Variants in GALNT17 observed in about 807,000 individuals in gnomAD.
The protein encoded by GALNT17 is polypeptide N-acetylgalactosaminyltransferase 17.
A neutral mutation model predicts 63.7 loss-of-function variants in GALNT17; 29 were observed. That is an observed-to-expected ratio of 0.46 (90% CI 0.34 to 0.62). The LOEUF is 0.62. GALNT17 is among the 20% of genes least tolerant of loss of function. The pLI is 0.01. For synonymous variants in GALNT17, 305 were observed against 318.3 expected, an observed-to-expected ratio of 0.96 and a Z score of 0.45; for missense variants, 603 against 799.6, an observed-to-expected ratio of 0.75 and a Z score of 2.97.
At chr7:71,147,561 A>G (rs1013270251) in intron 1 of GALNT17, among the ~76,000 whole-genome samples, 2 of 152,188 alleles carry the variant, frequency 1.3e-5, no homozygotes, top group Non-Finnish European at 2.9e-5. Flanking sequence ...CTTCAATCCA[A>G]TCAGATTGAC....
At chr7:71,442,973 G>C (rs1274038821) in intron 5 of GALNT17, among the ~76,000 whole-genome samples, 1 of 152,140 alleles carries the variant, frequency 6.6e-6, no homozygotes, top group Non-Finnish European at 1.5e-5. Context: ...GGAAAGAGGA[G>C]AGAAATGTTT....
intron 2 of GALNT17, among the ~76,000 whole-genome samples, chr7:71,385,441 T>A (rs963868045): frequency 1.3e-5 from 2 of 152,164 alleles, no homozygotes; most frequent in Admixed American, 1.3e-4. Context: ...GTGGCTGAAG[T>A]GCTGCAGTGG....
At chr7:71,590,041 T>A (rs1295449997) in intron 6 of GALNT17, among the ~76,000 whole-genome samples, 1 of 152,132 alleles carries the variant, frequency 6.6e-6, no homozygotes, top group East Asian at 1.9e-4. Flanking sequence ...TGCCCGTACA[T>A]GTATTTCATG....
chr7:71,508,907 C>T (rs1331354293), intron 5 of GALNT17, among the ~76,000 whole-genome samples: 4 of 152,194 alleles, frequency 2.6e-5, no homozygotes, highest in South Asian at 2.1e-4. Flanking sequence ...CGTTCTTGTG[C>T]GTGCGCTCGT....
At chr7:71,620,878 T>C (rs1290464600) in intron 6 of GALNT17, among the ~76,000 whole-genome samples, 1 of 152,180 alleles carries the variant, frequency 6.6e-6, no homozygotes, top group Non-Finnish European at 1.5e-5. Flanking sequence ...TGGATAAATA[T>C]CAAGTTTATT....
chr7:71,259,166 T>C (rs1050976861), intron 1 of GALNT17, among the ~76,000 whole-genome samples: 9 of 152,098 alleles, frequency 5.9e-5, no homozygotes, highest in African/African-American at 2.2e-4. Context: ...CTCTTTTTCA[T>C]CCTAAATCTG....
chr7:71,326,983 T>C (rs1432303367), intron 1 of GALNT17, among the ~76,000 whole-genome samples: 2 of 152,236 alleles, frequency 1.3e-5, no homozygotes. Context: ...GCTTTCCTTA[T>C]GGATATTTAA....
intron 6 of GALNT17, among the ~76,000 whole-genome samples, chr7:71,641,478 A>C (rs1219853223): frequency 6.6e-6 from 1 of 152,188 alleles, no homozygotes; most frequent in Non-Finnish European, 1.5e-5. Context: ...GGGAAGTCCA[A>C]GATCAAGGCA....
chr7:71,544,948 T>C (rs951659085), intron 5 of GALNT17, among the ~76,000 whole-genome samples: 1 of 151,902 alleles, frequency 6.6e-6, no homozygotes, highest in Non-Finnish European at 1.5e-5. Flanking sequence ...TAAATTAAAC[T>C]TGAAAGCTTT....
At chr7:71,199,548 A>G (rs1430300249) in intron 1 of GALNT17, among the ~76,000 whole-genome samples, 4 of 147,224 alleles carry the variant, frequency 2.7e-5, no homozygotes, top group African/African-American at 7.9e-5. Flanking sequence ...CCATCCATCC[A>G]TCCATCCATC....
rs116781549 is a variant in GALNT17, at chr7:71,139,293, A to G, written c.238+6253A>G. ...AGCTTCACTTGCCCCTCGCAGGCTC[A>G]AAGCCTTAGAGACACCCTCTCCTCT... On this transcript the variant is annotated intron_variant, in intron 1 of 10. Transcript: ENST00000333538. 6.0e-3 allele frequency among the ~76,000 whole-genome samples: 913 copies of G among 152,230 alleles called. 11 individuals are homozygous for G. Among genetic ancestry groups the G allele is most frequent in the African/African-American group, 0.021 (892 of 41,556 alleles).
intron 6 of GALNT17, among the ~76,000 whole-genome samples, chr7:71,660,020 T>TGG (rs1481016015): frequency 1.1e-4 from 16 of 152,358 alleles, no homozygotes; most frequent in Non-Finnish European, 7.3e-5. Flanking sequence ...CATTTCTGCC[T>TGG]GTGATTCTTT....
chr7:71,428,707 G>A (rs1390446621), intron 5 of GALNT17, among the ~76,000 whole-genome samples: 36 of 152,140 alleles, frequency 2.4e-4, no homozygotes, highest in Admixed American at 2.0e-3. Context: ...AAAGTGCTGG[G>A]ATTACAGGCA....
chr7:71,349,539 A>G (rs1023832757), intron 2 of GALNT17, among the ~76,000 whole-genome samples: 1 of 152,258 alleles, frequency 6.6e-6, no homozygotes, highest in Non-Finnish European at 1.5e-5. Context: ...TTGCATAAAA[A>G]TAGTCACATG....
chr7:71,551,821 T>G (rs1423032528), intron 5 of GALNT17, among the ~76,000 whole-genome samples: 1 of 151,300 alleles, frequency 6.6e-6, no homozygotes, highest in Non-Finnish European at 1.5e-5. Context: ...CAAGTTAATT[T>G]GTAACCGAGG....
intron 1 of GALNT17, among the ~76,000 whole-genome samples, chr7:71,295,426 C>G (rs972536244): frequency 6.6e-6 from 1 of 151,444 alleles, no homozygotes; most frequent in African/African-American, 2.4e-5. Context: ...TCTTCCCCTT[C>G]CCTCCTTCCT....
At chr7:71,600,851 G>C (rs1789956868) in intron 6 of GALNT17, among the ~76,000 whole-genome samples, 1 of 151,560 alleles carries the variant, frequency 6.6e-6, no homozygotes, top group African/African-American at 2.4e-5. Context: ...TGAGATCATG[G>C]TGCACCCATC....
chr7:71,301,761 C>T (rs1020489751), intron 1 of GALNT17, among the ~76,000 whole-genome samples: 10 of 151,666 alleles, frequency 6.6e-5, no homozygotes, highest in South Asian at 2.1e-4. Flanking sequence ...AAAAACTAAA[C>T]GAAAATGAAA....
intron 1 of GALNT17, among the ~76,000 whole-genome samples, chr7:71,170,165 T>C (rs889287669): frequency 3.3e-5 from 5 of 152,108 alleles, no homozygotes; most frequent in Admixed American, 3.3e-4. Context: ...CTTATTTACA[T>C]CTTGCCTTGA....
Sources: allele counts gnomAD v4.1 joint callset (sites outside exome capture counted in the v4.1 genomes callset), GRCh38; gene constraint gnomAD v4.1.1; transcripts MANE v1.5; gene names NCBI Gene and HGNC (gene_info 2026-07-23, HGNC 2026-07-21).